The following SEMA3E variants were observed in gnomAD, a reference collection of about 807,000 sequenced individuals.
The protein encoded by SEMA3E is semaphorin-3E.
SEMA3E carries 49 observed loss-of-function variants against 93.6 expected under a neutral mutation model. That is an observed-to-expected ratio of 0.52 (90% CI 0.42 to 0.66). The LOEUF (loss-of-function observed/expected upper bound fraction) is 0.66. Among genes scored for constraint, SEMA3E ranks in the 30% least tolerant of loss-of-function variants. SEMA3E has a pLI of 0.00. For missense variants in SEMA3E, 906 were observed against 964.8 expected (o/e 0.94, Z 0.81); for synonymous variants, 363 against 330.7 (o/e 1.10, Z -1.06).
At chr7:83,512,345 T>C (rs1790842604) in intron 1 of SEMA3E, among the ~76,000 whole-genome samples, 1 of 152,192 alleles carries the variant, frequency 6.6e-6, no homozygotes, top group South Asian at 2.1e-4. Context: ...GTAAGCTGTA[T>C]GTACACTGTT....
At chr7:83,464,899 A>G (rs1789717238) in intron 4 of SEMA3E, among the ~76,000 whole-genome samples, 1 of 150,460 alleles carries the variant, frequency 6.6e-6, no homozygotes. Flanking sequence ...ACACTTCAAC[A>G]CTATTTTATT....
chr7:83,402,541 G>A, intron 10 of SEMA3E, 91 bp downstream of exon 10: 1 of 1,201,054 alleles, frequency 8.3e-7, no homozygotes, highest in South Asian at 1.3e-5. Flanking sequence ...TTCCTTAATT[G>A]TTTATCTGCA....
chr7:83,492,835 A>T (rs1790413082), intron 1 of SEMA3E, among the ~76,000 whole-genome samples: 1 of 151,970 alleles, frequency 6.6e-6, no homozygotes, highest in African/African-American at 2.4e-5. Context: ...GTGCTCAAAA[A>T]TTTAATGACT....
intron 1 of SEMA3E, among the ~76,000 whole-genome samples, chr7:83,524,728 T>C (rs1367230660): frequency 6.6e-6 from 1 of 152,138 alleles, no homozygotes; most frequent in African/African-American, 2.4e-5. Flanking sequence ...AAAATCTGCT[T>C]AGTTTTCTAA....
chr7:83,618,584 C>T (rs1793475913), intron 1 of SEMA3E, among the ~76,000 whole-genome samples: 1 of 151,866 alleles, frequency 6.6e-6, no homozygotes, highest in Non-Finnish European at 1.5e-5. Context: ...AGTAATTGAT[C>T]AAGTATTGGT....
intron 16 of SEMA3E, among the ~76,000 whole-genome samples, chr7:83,380,876 C>T (rs1787762636): frequency 6.6e-6 from 1 of 151,946 alleles, no homozygotes; most frequent in Admixed American, 6.6e-5. Context: ...AGTATTCCAT[C>T]TGAGATGCTA....
rs567647454 is a variant in SEMA3E, at chr7:83,611,095, T to C, written c.115+37333A>G. ...AATTTTAGGCAAATTCCTAACTACC[T>C]GTGTCAGCTACCTCCACCCTGCTGT... On this transcript the variant is annotated intron_variant, in intron 1 of 16. Transcript: ENST00000643230. Among the ~76,000 whole-genome samples, 3 of 151,268 alleles carry C rather than the reference T, an allele frequency of 2.0e-5. No individual in the cohort carries two copies. In the South Asian group the frequency reaches 6.3e-4, roughly 32 times the overall value.
chr7:83,624,117 T>A (rs191527001), intron 1 of SEMA3E, among the ~76,000 whole-genome samples: 82 of 152,306 alleles, frequency 5.4e-4, no homozygotes, highest in African/African-American at 1.9e-3. Flanking sequence ...CTTTATCCAG[T>A]CTCTCCATGA....
At chr7:83,369,470 C>T (rs1214189791) in intron 16 of SEMA3E, among the ~76,000 whole-genome samples, 1 of 151,986 alleles carries the variant, frequency 6.6e-6, no homozygotes, top group Non-Finnish European at 1.5e-5. Context: ...ATGTGGTGCC[C>T]CAAAGGCATT....
intron 1 of SEMA3E, among the ~76,000 whole-genome samples, chr7:83,586,894 G>A (rs1367374134): frequency 6.6e-6 from 1 of 152,040 alleles, no homozygotes; most frequent in African/African-American, 2.4e-5. Context: ...ATAGAGAAAA[G>A]ACAGTAAATG....
intron 16 of SEMA3E, 81 bp downstream of exon 16, chr7:83,385,213 C>T: frequency 1.3e-6 from 2 of 1,500,926 alleles, no homozygotes; most frequent in Admixed American, 3.5e-5. Context: ...CTTCATTTTT[C>T]AGCATCCAAA....
chr7:83,389,958 A>T (rs1351990344), intron 14 of SEMA3E, among the ~76,000 whole-genome samples: 4 of 38,288 alleles, frequency 1.0e-4, no homozygotes, highest in African/African-American at 2.1e-4. Context: ...ATATGTGTAT[A>T]GTGTATACGT....
chr7:83,556,922 T>C (rs1172680281), intron 1 of SEMA3E, among the ~76,000 whole-genome samples: 1 of 152,140 alleles, frequency 6.6e-6, no homozygotes, highest in Admixed American at 6.5e-5. Flanking sequence ...GGACACAGTG[T>C]TCAAGGCACC....
intron 1 of SEMA3E, among the ~76,000 whole-genome samples, chr7:83,511,956 T>A (rs1333493851): frequency 6.6e-6 from 1 of 152,138 alleles, no homozygotes; most frequent in Non-Finnish European, 1.5e-5. Flanking sequence ...ATGTTCCAAT[T>A]GTTGCAACAT....
intron 4 of SEMA3E, among the ~76,000 whole-genome samples, chr7:83,420,371 C>T (rs1161714839): frequency 1.3e-5 from 2 of 152,046 alleles, no homozygotes; most frequent in Non-Finnish European, 2.9e-5. Flanking sequence ...TTAAAATGGC[C>T]ATACTGCCCA....
At chr7:83,643,917 G>A (rs964108767) in intron 1 of SEMA3E, among the ~76,000 whole-genome samples, 9 of 151,948 alleles carry the variant, frequency 5.9e-5, no homozygotes, top group Admixed American at 2.0e-4. Context: ...AACACCCAGA[G>A]ATGTGTGACT....
chr7:83,383,295 AGTG>A, intron 16 of SEMA3E, among the ~76,000 whole-genome samples: 2 of 150,048 alleles, frequency 1.3e-5, no homozygotes, highest in African/African-American at 2.4e-5. Context: ...TTGATAAGAA[AGTG>A]ATTTCTTATC....
At chr7:83,370,183 T>A (rs1794731798) in intron 16 of SEMA3E, among the ~76,000 whole-genome samples, 1 of 152,158 alleles carries the variant, frequency 6.6e-6, no homozygotes, top group South Asian at 2.1e-4. Flanking sequence ...TACACATAGA[T>A]AATCCATTGT....
rs755163849 is a variant in SEMA3E at position 83,367,955 on chromosome 7, A to G, written c.1959T>C (p.Phe653=). 2 of 1,613,608 alleles carry G rather than the reference A, an allele frequency of 1.2e-6. No individual in the cohort carries two copies. Reference sequence around the variant, plus strand: ...CAAAGCTATGCTCTACTGTCTGGCAAAAATAGGTCCCAGCATCTGATTTGT... The same window carrying G: ...CAAAGCTATGCTCTACTGTCTGGCAGAAATAGGTCCCAGCATCTGATTTGT... ...RLHKSDAGTY[F]CQTVEHSFVH... is the part of the protein sequence containing the mutation. The change falls in exon 17 of 17, where the codon TTT becomes TTC. Residue 653 remains phenylalanine (F), a synonymous_variant. Transcript: ENST00000643230.
Sources: gnomAD v4.1 joint callset for allele counts (sites outside exome capture counted in the v4.1 genomes callset) on GRCh38, gnomAD v4.1.1 for gene constraint, MANE v1.5 for transcripts, NCBI Gene and HGNC (gene_info 2026-07-23, HGNC 2026-07-21) for gene names.